WDPCP: variants seen among roughly 807,000 people sequenced by gnomAD.
The protein encoded by WDPCP is WD repeat containing planar cell polarity effector.
In WDPCP, 71 loss-of-function variants were observed where a neutral mutation model predicts 93.1. The ratio of observed to expected loss-of-function variants is 0.76; its 90% CI spans 0.63 to 0.93. WDPCP has a LOEUF of 0.93. WDPCP is among the 40% of genes least tolerant of loss of function. The pLI is 0.00. For synonymous variants in WDPCP, 315 were observed against 315.0 expected, an observed-to-expected ratio of 1.00 and a Z score of 0.00; for missense variants, 844 against 887.4, an observed-to-expected ratio of 0.95 and a Z score of 0.62.
chr2:63,481,029 C>G (rs1329638888), intron 6 of WDPCP, among the ~76,000 whole-genome samples: 1 of 151,686 alleles, frequency 6.6e-6, no homozygotes, highest in African/African-American at 2.4e-5. Flanking sequence ...TGAACTCAAA[C>G]AAATCAGTAA....
chr2:63,396,619 A>G (rs904854625), intron 10 of WDPCP, among the ~76,000 whole-genome samples: 11 of 151,964 alleles, frequency 7.2e-5, no homozygotes, highest in African/African-American at 2.4e-4. Context: ...ATAAAGACCA[A>G]GTGGCAGGAA....
At chr2:63,437,751 A>C (rs1697234333) in intron 7 of WDPCP, 197 bp from the exon 8 acceptor site, 1 of 1,206,244 alleles carries the variant, frequency 8.3e-7, no homozygotes, top group Admixed American at 2.8e-5. Flanking sequence ...ATCATATGTG[A>C]TTTTTTTTCC....
At chr2:63,135,977 T>TC (rs894776315) in intron 17 of WDPCP, among the ~76,000 whole-genome samples, 3 of 152,126 alleles carry the variant, frequency 2.0e-5, no homozygotes, top group African/African-American at 7.2e-5. Context: ...AAGTAATCCT[T>TC]CCACCTTGGC....
At chr2:63,237,015 G>T (rs1222427944) in intron 14 of WDPCP, among the ~76,000 whole-genome samples, 3 of 151,876 alleles carry the variant, frequency 2.0e-5, no homozygotes, top group Non-Finnish European at 2.9e-5. Flanking sequence ...CTTCTGCACA[G>T]CAAAAGAAAC....
chr2:63,758,102 T>A (rs950023681), intron 2 of WDPCP, among the ~76,000 whole-genome samples: 1 of 152,142 alleles, frequency 6.6e-6, no homozygotes. Context: ...TGGTTTTTTT[T>A]TTTTTTATAA....
At chr2:63,752,410 T>C (rs971503836) in intron 2 of WDPCP, 8 of 762,284 alleles carry the variant, frequency 1.0e-5, no homozygotes, top group Middle Eastern at 7.3e-4. Context: ...CCACCTTGTG[T>C]GGCCTTGCAT....
intron 14 of WDPCP, among the ~76,000 whole-genome samples, chr2:63,245,945 T>A (rs1680238123): frequency 1.3e-5 from 2 of 152,146 alleles, no homozygotes. Context: ...TTTAAAAATT[T>A]GTGGTGATAA....
At chr2:63,492,244 A>G (rs1055178370) in intron 2 of WDPCP, among the ~76,000 whole-genome samples, 1 of 152,168 alleles carries the variant, frequency 6.6e-6, no homozygotes, top group Non-Finnish European at 1.5e-5. Flanking sequence ...GATATTTCTT[A>G]TAAAGTACAC....
intron 2 of WDPCP, among the ~76,000 whole-genome samples, chr2:63,659,707 G>A (rs901691935): frequency 6.6e-6 from 1 of 152,182 alleles, no homozygotes; most frequent in African/African-American, 2.4e-5. Context: ...GTCACCTAGT[G>A]TGTGGCAATT....
At chr2:63,324,686 A>G (rs1351250802) in intron 12 of WDPCP, among the ~76,000 whole-genome samples, 1 of 152,244 alleles carries the variant, frequency 6.6e-6, no homozygotes, top group African/African-American at 2.4e-5. Flanking sequence ...CATCTTAGTC[A>G]AGTAAATGAT....
chr2:63,789,830 G>GTATAA (rs1670520127), intron 2 of WDPCP, among the ~76,000 whole-genome samples: 1 of 152,082 alleles, frequency 6.6e-6, no homozygotes, highest in Admixed American at 6.6e-5. Context: ...CCTTTACACT[G>GTATAA]TATAATGCGA....
chr2:63,652,384 C>A (rs1234050175), intron 2 of WDPCP, among the ~76,000 whole-genome samples: 1 of 152,180 alleles, frequency 6.6e-6, no homozygotes, highest in Non-Finnish European at 1.5e-5. Flanking sequence ...TACTGAGAAA[C>A]AGGAAAGCCC....
At chr2:63,798,052 A>C (rs1180188171) in intron 2 of WDPCP, among the ~76,000 whole-genome samples, 1 of 152,218 alleles carries the variant, frequency 6.6e-6, no homozygotes, top group African/African-American at 2.4e-5. Flanking sequence ...AAGGAAAAAA[A>C]CTTTTACCCT....
intron 6 of WDPCP, among the ~76,000 whole-genome samples, chr2:63,447,873 A>G (rs1412937506): frequency 6.6e-6 from 1 of 152,150 alleles, no homozygotes; most frequent in Admixed American, 6.5e-5. Context: ...TTGAAAAAAG[A>G]TATAAGCCAA....
At chr2:63,773,204 A>G in intron 2 of WDPCP, among the ~76,000 whole-genome samples, 1 of 152,136 alleles carries the variant, frequency 6.6e-6, no homozygotes. Context: ...CCACAACAGT[A>G]TAATGGAAAA....
At chr2:63,697,464 T>C (rs1668975929) in intron 2 of WDPCP, among the ~76,000 whole-genome samples, 1 of 152,120 alleles carries the variant, frequency 6.6e-6, no homozygotes, top group Admixed American at 6.5e-5. Context: ...TAAAAAACAG[T>C]TTGAAAAGTG....
intron 1 of WDPCP, among the ~76,000 whole-genome samples, chr2:63,544,302 TACC>T (rs1704972742): frequency 6.6e-6 from 1 of 152,164 alleles, no homozygotes; most frequent in Admixed American, 6.6e-5. Flanking sequence ...ACCACCATGA[TACC>T]ACCATACTAC....
chr2:63,589,106 C>T, upstream of WDPCP: 1 of 1,614,114 alleles, frequency 6.2e-7, no homozygotes, highest in African/African-American at 1.3e-5. Flanking sequence ...AGTGGGGTTT[C>T]TTGCACTTTA....
intron 12 of WDPCP, among the ~76,000 whole-genome samples, chr2:63,333,919 A>G (rs1688164459): frequency 6.6e-6 from 1 of 152,194 alleles, no homozygotes; most frequent in Non-Finnish European, 1.5e-5. Context: ...GTTAATAAAA[A>G]CCCACTTGTA....
Sources: gnomAD v4.1 joint callset for allele counts (sites outside exome capture counted in the v4.1 genomes callset) on GRCh38, gnomAD v4.1.1 for gene constraint, MANE v1.5 for transcripts, NCBI Gene and HGNC (gene_info 2026-07-23, HGNC 2026-07-21) for gene names.